Variants in RBL2 observed in about 807,000 individuals in gnomAD.
The protein encoded by RBL2 is retinoblastoma-like protein 2.
A neutral mutation model predicts 126.0 loss-of-function variants in RBL2; 56 were observed. That is an observed-to-expected ratio of 0.44 (90% CI 0.36 to 0.56). The LOEUF (loss-of-function observed/expected upper bound fraction) is 0.56, where lower values mean the gene tolerates loss of function less well. Ranked by LOEUF, RBL2 falls within the 20% of genes least tolerant of loss-of-function variation. The probability of loss-of-function intolerance (pLI) is 0.00; values close to 1 mark genes in which losing one functional copy is unlikely to be tolerated. For missense variants in RBL2, 1,229 were observed against 1,398.2 expected, an observed-to-expected ratio of 0.88 and a Z score of 1.93; for synonymous variants, 454 against 478.5, an observed-to-expected ratio of 0.95 and a Z score of 0.67.
At chr16:53,468,787 G>T (rs949556384) in intron 14 of RBL2, among the ~76,000 whole-genome samples, 14 of 152,148 alleles carry the variant, frequency 9.2e-5, no homozygotes, top group Admixed American at 2.0e-4. Flanking sequence ...ACACTCTGAT[G>T]CACAGCTCTT....
In RBL2 at chr16:53,461,970, G is replaced by A. The variant is rs146079852; in HGVS notation, c.1456+120G>A. 5.9e-4 allele frequency: 488 copies of A among 821,992 alleles called. 4 individuals carry two copies. In the East Asian group the frequency reaches 0.015, roughly 25 times the overall value. The allele number at this position is 821,992 out of a possible 1,614,324, so 50.9% of individuals were successfully genotyped here. On this transcript the variant is annotated intron_variant, in intron 10 of 21. Transcript: ENST00000262133. ...GACTTTAGACTGAAGGCTAGGATAT[G>A]GCTGTCCAATTTTTCTGGTCAACCA...
chr16:53,468,101 A>G (rs147388320), intron 14 of RBL2, among the ~76,000 whole-genome samples: 37 of 152,336 alleles, frequency 2.4e-4, no homozygotes, highest in African/African-American at 7.9e-4. Flanking sequence ...TGTGAGATAG[A>G]ACTACTTTTT....
intron 1 of RBL2, chr16:53,435,632 TTGAC>T (rs768950395): frequency 4.2e-4 from 544 of 1,284,666 alleles, no homozygotes; most frequent in Non-Finnish European, 4.5e-4. Context: ...TATCAGCTGT[TTGAC>T]TGTGTGTGTG....
chr16:53,465,754 A>G (rs938027174), intron 13 of RBL2, 152 bp downstream of exon 13: 2 of 549,824 alleles, frequency 3.6e-6, no homozygotes, highest in Admixed American at 8.5e-5. Context: ...GTCCCTCTCT[A>G]CCCACAAATT....
At chr16:53,445,582 G>A (rs1002550981) in intron 3 of RBL2, among the ~76,000 whole-genome samples, 1 of 152,132 alleles carries the variant, frequency 6.6e-6, no homozygotes, top group African/African-American at 2.4e-5. Context: ...GGCCAGGGTC[G>A]CACAACCAAG....
intron 21 of RBL2, among the ~76,000 whole-genome samples, chr16:53,485,929 A>G (rs1961154197): frequency 6.6e-6 from 1 of 152,108 alleles, no homozygotes; most frequent in South Asian, 2.1e-4. Flanking sequence ...TCCTCTATGT[A>G]CAGAATAATC....
chr16:53,453,759 G>C lies in RBL2; in HGVS notation c.982G>C (p.Gly328Arg), dbSNP rs1421197786. ...LTGFLEPGNFGESFKAINKAY... is the reference protein window; with the variant it reads ...LTGFLEPGNFRESFKAINKAY... ...TGGGTTTCTAGAACCTGGGAACTTT[G>C]GAGAGAGTTTGTGAGTACTTCTGTA... is the stretch of plus-strand genomic sequence containing the variant. The change falls in exon 7 of 22, where the codon GGA becomes CGA. Residue 328 changes from glycine (G) to arginine (R), a missense_variant. Coordinates refer to ENST00000262133, the MANE Select transcript of RBL2 (RefSeq NM_005611.4). 1.2e-6 allele frequency: 2 copies of C among 1,607,184 alleles called. No individual in the cohort carries two copies. Among genetic ancestry groups the C allele is most frequent in the Non-Finnish European group, 1.7e-6 (2 of 1,176,312 alleles).
chr16:53,446,906 G>A (rs1303978837), intron 3 of RBL2, 136 bp from the exon 4 acceptor site: 5 of 450,038 alleles, frequency 1.1e-5, no homozygotes, highest in South Asian at 7.9e-5. Flanking sequence ...GAACGTCCAC[G>A]TTTTCCATGT....
chr16:53,479,994 A>G lies in RBL2; in HGVS notation c.2881+3A>G. ...AACAGAACTAAACAAAGATAGAAGT[A>G]AGTGGGATCTTTGTGAACTACAAGA... On this transcript the variant is annotated splice_donor_region_variant and intron_variant, in intron 19 of 21. Transcript: ENST00000262133. 3 of 1,573,412 alleles carry G rather than the reference A, an allele frequency of 1.9e-6. No individual in the cohort carries two copies. The highest frequency in any genetic ancestry group is 8.7e-7 in the Non-Finnish European group (1 of 1,152,682).
At chr16:53,486,037 T>A (rs911354345) in intron 21 of RBL2, among the ~76,000 whole-genome samples, 12 of 148,846 alleles carry the variant, frequency 8.1e-5, no homozygotes, top group African/African-American at 3.0e-4. Flanking sequence ...ATGCCTGTAA[T>A]CCCAGCACTT....
rs1274476281 is a variant in RBL2 at position 53,470,405 on chromosome 16, G to T, written c.2268G>T (p.Gly756=). Residue 756 remains glycine, a synonymous_variant, in exon 16 of 22, where the codon GGG becomes GGT. Transcript: ENST00000262133. ...PVQGIANENG[G]ITFFPVQVNV... is the part of the protein sequence containing the mutation. The stretch of plus-strand genomic sequence containing the variant: ...TAGGTATTGCCAATGAAAATGGAGG[G>T]ATAACATTCTTCCCTGTCCAAGTCA... The T allele has an allele frequency of 6.2e-7, 1 of 1,613,472 alleles. No homozygotes were observed.
At chr16:53,479,100 C>T in intron 17 of RBL2, 54 bp from the exon 18 acceptor site, 1 of 1,412,084 alleles carries the variant, frequency 7.1e-7, no homozygotes, top group Non-Finnish European at 1.0e-6. Flanking sequence ...GAGCTCCTCA[C>T]ACTATTATGG....
At chr16:53,480,483 G>A in intron 19 of RBL2, 84 bp from the exon 20 acceptor site, 1 of 1,170,398 alleles carries the variant, frequency 8.5e-7, no homozygotes, top group Non-Finnish European at 1.2e-6. Context: ...GCAGGTAGCT[G>A]TTCCCTTTCT....
chr16:53,453,003 TGTGCTGA>T (rs2058130212), intron 5 of RBL2, among the ~76,000 whole-genome samples: 2 of 152,154 alleles, frequency 1.3e-5, no homozygotes, highest in African/African-American at 4.8e-5. Flanking sequence ...TTTTTTCTTT[TGTGCTGA>T]GTCTAGGGCA....
In RBL2 at chr16:53,478,942, C is replaced by T. The variant is rs1960836498; in HGVS notation, c.2704-212C>T. ...TGGCCTCTAAGTCTTGATTCACATACTATAGACTCCTATTGTTTTTATTGA... is the reference window on the plus strand; with the variant it reads ...TGGCCTCTAAGTCTTGATTCACATATTATAGACTCCTATTGTTTTTATTGA... On this transcript the variant is annotated intron_variant, in intron 17 of 21. Coordinates refer to ENST00000262133, the MANE Select transcript of RBL2 (RefSeq NM_005611.4). 5 of 551,268 alleles carry T rather than the reference C, an allele frequency of 9.1e-6. No homozygotes were observed. In the South Asian group the frequency reaches 1.2e-4, roughly 13 times the overall value. 34.1% of individuals were successfully genotyped at this position (551,268 alleles called of 1,614,324 possible).
rs1449840216 is a variant in RBL2, at chr16:53,434,541, C to T, written c.-16C>T. On this transcript the variant is annotated 5_prime_UTR_variant, in exon 1 of 22. Coordinates refer to ENST00000262133, the MANE Select transcript of RBL2 (RefSeq NM_005611.4). ...GCCCTCACCTCACCTGAGGTCCGGC[C>T]GCCCAGGGGTGCGCTATGCCGTCGG... 1 of 1,436,688 alleles carries T rather than the reference C, an allele frequency of 7.0e-7. No individual in the cohort carries two copies. Among genetic ancestry groups the T allele is most frequent in the Non-Finnish European group, 9.1e-7 (1 of 1,101,472 alleles). The allele number at this position is 1,436,688 out of a possible 1,614,324, so 89.0% of individuals were successfully genotyped here.
chr16:53,488,495 CTTGG>C (rs1377587346), intron 21 of RBL2: 3 of 152,110 alleles, frequency 2.0e-5, no homozygotes, highest in Non-Finnish European at 4.4e-5. Context: ...TTATTAGACT[CTTGG>C]TTGGAGAAAG....
At chr16:53,466,840 A>G in intron 13 of RBL2, 2 of 448,536 alleles carry the variant, frequency 4.5e-6, no homozygotes, top group Non-Finnish European at 8.1e-6. Context: ...CAAACCAGTA[A>G]TGAAGTTTGA....
intron 17 of RBL2, among the ~76,000 whole-genome samples, chr16:53,476,181 TAG>T (rs1960723559): frequency 1.3e-5 from 2 of 152,198 alleles, no homozygotes; most frequent in South Asian, 4.1e-4. Flanking sequence ...TGCACTGCTT[TAG>T]CTGCATGAGT....
Sources: allele counts gnomAD v4.1 joint callset (sites outside exome capture counted in the v4.1 genomes callset), GRCh38; gene constraint gnomAD v4.1.1; transcripts MANE v1.5; gene names NCBI Gene and HGNC (gene_info 2026-07-23, HGNC 2026-07-21).